ZFHX3: variants seen among roughly 807,000 people sequenced by gnomAD.
ZFHX3 encodes zinc finger homeobox 3.
In ZFHX3, 42 loss-of-function variants were observed where a neutral mutation model predicts 279.1. The ratio of observed to expected loss-of-function variants is 0.15; its 90% CI spans 0.12 to 0.19. The LOEUF (loss-of-function observed/expected upper bound fraction) is 0.19, where lower values mean the gene tolerates loss of function less well. Ranked by LOEUF, ZFHX3 falls within the 10% of genes least tolerant of loss-of-function variation. The pLI is 1.00. For missense variants in ZFHX3, 4,981 were observed against 4,754.0 expected, an observed-to-expected ratio of 1.05 and a Z score of -1.40; for synonymous variants, 2,293 against 1,957.8, an observed-to-expected ratio of 1.17 and a Z score of -4.52.
intron 1 of ZFHX3, among the ~76,000 whole-genome samples, chr16:72,989,141 CT>C (rs57899873): frequency 0.97 from 147,422 of 151,466 alleles, 71,946 homozygotes; most frequent in Middle Eastern, 1. Flanking sequence ...TCACTGCACT[CT>C]TGGCCTGGGC....
At chr16:73,101,872 T>C (rs918657578) in intron 7 of ZFHX3, among the ~76,000 whole-genome samples, 1 of 151,062 alleles carries the variant, frequency 6.6e-6, no homozygotes, top group African/African-American at 2.4e-5. Context: ...TCACTCTAGC[T>C]GGGTGCTACC....
chr16:73,756,308 T>C (rs1184557106), intron 1 of ZFHX3, among the ~76,000 whole-genome samples: 1 of 152,204 alleles, frequency 6.6e-6, no homozygotes, highest in African/African-American at 2.4e-5. Context: ...TTTCTTCATC[T>C]TTAGAGTATA....
At chr16:73,546,296 T>G (rs956097312) in intron 2 of ZFHX3, among the ~76,000 whole-genome samples, 8 of 152,072 alleles carry the variant, frequency 5.3e-5, no homozygotes, top group Non-Finnish European at 1.2e-4. Flanking sequence ...AAATGTATTC[T>G]TTTTCTCCCC....
At chr16:73,347,842 T>C (rs2016150575) in intron 3 of ZFHX3, among the ~76,000 whole-genome samples, 1 of 152,266 alleles carries the variant, frequency 6.6e-6, no homozygotes, top group Admixed American at 6.5e-5. Flanking sequence ...ATTAAAGTCC[T>C]GAACACTATA....
chr16:73,426,792 C>T (rs2017818373), intron 3 of ZFHX3, among the ~76,000 whole-genome samples: 1 of 152,158 alleles, frequency 6.6e-6, no homozygotes, highest in Non-Finnish European at 1.5e-5. Flanking sequence ...AAAAGATACA[C>T]CTTGAAGATT....
intron 5 of ZFHX3, among the ~76,000 whole-genome samples, chr16:72,819,331 G>C (rs1464167922): frequency 6.7e-6 from 1 of 150,284 alleles, no homozygotes; most frequent in Non-Finnish European, 1.5e-5. Flanking sequence ...CCCTAACCCA[G>C]CAAGGGCTCA....
chr16:73,823,882 T>C (rs891996436), intron 1 of ZFHX3, among the ~76,000 whole-genome samples: 2 of 151,928 alleles, frequency 1.3e-5, no homozygotes, highest in Admixed American at 6.6e-5. Flanking sequence ...ATGGCAAGAG[T>C]CATAGGAGGG....
At chr16:73,320,793 C>T (rs2015559742) in intron 3 of ZFHX3, among the ~76,000 whole-genome samples, 1 of 152,190 alleles carries the variant, frequency 6.6e-6, no homozygotes, top group Admixed American at 6.5e-5. Flanking sequence ...CTTCCCACCT[C>T]TCTATGGCTG....
intron 1 of ZFHX3, among the ~76,000 whole-genome samples, chr16:73,751,759 C>A (rs967133721): frequency 6.6e-6 from 1 of 152,178 alleles, no homozygotes; most frequent in Non-Finnish European, 1.5e-5. Flanking sequence ...GCTTCCACAA[C>A]CTCAACTCCA....
chr16:73,605,363 T>C (rs1380646485), intron 2 of ZFHX3, among the ~76,000 whole-genome samples: 1 of 152,154 alleles, frequency 6.6e-6, no homozygotes, highest in African/African-American at 2.4e-5. Flanking sequence ...GAAAACACTA[T>C]CTCTGGGATC....
Position 72,787,538 on chromosome 16 carries a change from C to G in ZFHX3, c.10738G>C (p.Asp3580His), listed in dbSNP as rs371324694. The G allele has an allele frequency of 1.5e-5, 24 of 1,613,836 alleles. No homozygotes were observed. The highest frequency in any genetic ancestry group is 2.0e-5 in the Non-Finnish European group (24 of 1,179,970). ...SLLPHSACFP[D>H]PSTASTSQSA... ...TGCGAGGTAGATGCGGTGCTAGGAT[C>G]GGGGAAGCAGGCAGAGTGAGGTAAT... is the stretch of plus-strand genomic sequence containing the variant. The change falls in exon 10 of 10, where the codon GAT becomes CAT. Residue 3580 changes from aspartate to histidine, a missense_variant. By Grantham distance (81) the Asp-to-His change is moderately conservative. Transcript: ENST00000268489.
intron 2 of ZFHX3, among the ~76,000 whole-genome samples, chr16:73,641,685 C>A (rs1186101974): frequency 1.3e-5 from 2 of 151,908 alleles, no homozygotes; most frequent in Non-Finnish European, 2.9e-5. Flanking sequence ...TAAGTAAAAG[C>A]AGCATTATTT....
chr16:73,811,778 T>C (rs1224102134), intron 1 of ZFHX3, among the ~76,000 whole-genome samples: 1 of 152,018 alleles, frequency 6.6e-6, no homozygotes, highest in African/African-American at 2.4e-5. Context: ...AGACTACCTA[T>C]CTCATAATGA....
intron 2 of ZFHX3, among the ~76,000 whole-genome samples, chr16:73,600,238 A>G (rs2052097415): frequency 6.6e-6 from 1 of 152,186 alleles, no homozygotes; most frequent in Non-Finnish European, 1.5e-5. Context: ...CTAAAGAAGC[A>G]GCATCATCCC....
intron 1 of ZFHX3, among the ~76,000 whole-genome samples, chr16:73,800,796 C>G (rs1960123509): frequency 6.6e-6 from 1 of 152,146 alleles, no homozygotes. Flanking sequence ...GGCTGAAGTT[C>G]AGACTCCGTC....
At chr16:73,556,841 A>G (rs543294770) in intron 2 of ZFHX3, among the ~76,000 whole-genome samples, 1 of 151,938 alleles carries the variant, frequency 6.6e-6, no homozygotes, top group Admixed American at 6.6e-5. Flanking sequence ...CATGCCTGTA[A>G]TCCCAGCACT....
rs1362491234 is a variant in ZFHX3, at chr16:73,599,793, G to A, written c.-1547+80387C>T. ...GCCCACTGGTGAATACACTTCCACC[G>A]GTATAATGAGACTCACTTCCAGGGC... On this transcript the variant is annotated intron_variant, in intron 2 of 17. Coordinates refer to the ZFHX3 transcript ENST00000641206. Among the ~76,000 whole-genome samples, 7 of 151,394 alleles carry A rather than the reference G, an allele frequency of 4.6e-5. No individual in the cohort carries two copies. In the East Asian group the frequency reaches 7.8e-4, roughly 17 times the overall value.
intron 4 of ZFHX3, among the ~76,000 whole-genome samples, chr16:72,885,813 C>A (rs1259864136): frequency 6.6e-6 from 1 of 152,192 alleles, no homozygotes. Context: ...AAAGCCAGAA[C>A]TTCCAACTCT....
intron 5 of ZFHX3, among the ~76,000 whole-genome samples, chr16:73,187,675 C>T (rs188822148): frequency 1.2e-4 from 18 of 152,232 alleles, no homozygotes; most frequent in South Asian, 4.1e-4. Context: ...ATGGAGCAGG[C>T]GAGTCTCTTT....
Sources: allele counts gnomAD v4.1 joint callset (sites outside exome capture counted in the v4.1 genomes callset), GRCh38; gene constraint gnomAD v4.1.1; transcripts MANE v1.5; gene names NCBI Gene and HGNC (gene_info 2026-07-23, HGNC 2026-07-21).